Variants in CHD7 observed in about 807,000 individuals in gnomAD.
CHD7 encodes ATP-dependent chromatin remodeler CHD7.
Under a neutral mutation model 307.3 loss-of-function variants are expected in CHD7, and 24 were observed. The observed-to-expected ratio is 0.08, with a 90% CI of 0.06 to 0.11. The LOEUF is 0.11. CHD7 is among the 10% of genes least tolerant of loss of function. The pLI is 1.00. For synonymous variants in CHD7, 1,363 were observed against 1,349.9 expected, an observed-to-expected ratio of 1.01 and a Z score of -0.21; for missense variants, 3,106 against 3,727.1, an observed-to-expected ratio of 0.83 and a Z score of 4.34.
At chr8:60,794,256 T>C (rs958506895) in intron 3 of CHD7, among the ~76,000 whole-genome samples, 1 of 152,226 alleles carries the variant, frequency 6.6e-6, no homozygotes, top group African/African-American at 2.4e-5. Context: ...TTATGTCTTT[T>C]GTCTTATATA....
At chr8:60,698,342 A>G (rs1239113901) in intron 1 of CHD7, among the ~76,000 whole-genome samples, 1 of 152,246 alleles carries the variant, frequency 6.6e-6, no homozygotes, top group Non-Finnish European at 1.5e-5. Context: ...GGAAGAATAT[A>G]GGGTAGGTGG....
intron 12 of CHD7, 34 bp from the exon 13 acceptor site, chr8:60,823,806 A>G (rs745599768): frequency 6.4e-7 from 1 of 1,552,140 alleles, no homozygotes; most frequent in Non-Finnish European, 8.9e-7. Context: ...TGTAACCATT[A>G]ATGCTTAATA....
At chr8:60,738,140 A>G (rs972354109) in intron 1 of CHD7, among the ~76,000 whole-genome samples, 2 of 152,228 alleles carry the variant, frequency 1.3e-5, no homozygotes, top group East Asian at 3.8e-4. Flanking sequence ...GCTGTCCAGT[A>G]TGGAAGCCAC....
chr8:60,757,053 T>G (rs1438046427), intron 2 of CHD7, among the ~76,000 whole-genome samples: 1 of 152,190 alleles, frequency 6.6e-6, no homozygotes, highest in Non-Finnish European at 1.5e-5. Context: ...TCTCTAACAT[T>G]TGTCCTCACC....
In CHD7 at chr8:60,716,201, A is replaced by G. The variant is rs186614855; in HGVS notation, c.-174-25058A>G. On this transcript the variant is annotated intron_variant, in intron 1 of 37. Transcript: ENST00000423902. The stretch of plus-strand genomic sequence containing the variant: ...CTTTTTTCCTTGCCGGTGTTACTGC[A>G]GTAGCTCCCCTACTGCTCTCCCTGC... 2.2e-3 allele frequency among the ~76,000 whole-genome samples: 330 copies of G among 152,274 alleles called. 2 individuals are homozygous for G. The highest frequency in any genetic ancestry group is 0.014 in the Middle Eastern group (4 of 294).
chr8:60,855,514 A>G (rs1450212486), intron 32 of CHD7, among the ~76,000 whole-genome samples: 1 of 152,208 alleles, frequency 6.6e-6, no homozygotes, highest in Non-Finnish European at 1.5e-5. Flanking sequence ...ATTAATAGTG[A>G]CGCTAATGAT....
intron 2 of CHD7, among the ~76,000 whole-genome samples, chr8:60,776,296 A>G (rs1022196174): frequency 3.3e-5 from 5 of 152,192 alleles, no homozygotes; most frequent in African/African-American, 7.2e-5. Flanking sequence ...AGCAGAAAAT[A>G]CTTCAGTCCT....
chr8:60,702,295 TGTG>T (rs1174803568), intron 1 of CHD7, among the ~76,000 whole-genome samples: 2 of 152,254 alleles, frequency 1.3e-5, no homozygotes, highest in African/African-American at 4.8e-5. Flanking sequence ...ATTTTCTAAA[TGTG>T]GTGGGTATAT....
intron 7 of CHD7, among the ~76,000 whole-genome samples, chr8:60,810,126 C>T (rs1200441837): frequency 6.6e-6 from 1 of 152,194 alleles, no homozygotes; most frequent in Non-Finnish European, 1.5e-5. Flanking sequence ...CAGACTGGCT[C>T]TTCTGTCTTT....
intron 1 of CHD7, among the ~76,000 whole-genome samples, chr8:60,726,545 T>C (rs554082853): frequency 2.0e-5 from 3 of 152,384 alleles, no homozygotes; most frequent in Admixed American, 6.5e-5. Flanking sequence ...TCGTCTGCAC[T>C]GAGTGCTAAT....
chr8:60,864,537 G>GC (rs1362762391), intron 37 of CHD7: 1 of 179,170 alleles, frequency 5.6e-6, no homozygotes, highest in Non-Finnish European at 1.2e-5. Flanking sequence ...AGCACACAGT[G>GC]CATAATGATC....
chr8:60,850,733 C>A, intron 26 of CHD7, 111 bp downstream of exon 26: 1 of 1,130,566 alleles, frequency 8.8e-7, no homozygotes, highest in Non-Finnish European at 1.3e-6. Context: ...ATTTGAAGTT[C>A]AGGAGATGTT....
intron 1 of CHD7, among the ~76,000 whole-genome samples, chr8:60,681,745 G>A (rs934322019): frequency 6.6e-6 from 1 of 152,132 alleles, no homozygotes; most frequent in South Asian, 2.1e-4. Context: ...TGGTACTCAA[G>A]AATTGGGATT....
chr8:60,800,053 C>T (rs1255713694), intron 4 of CHD7, among the ~76,000 whole-genome samples: 5 of 150,696 alleles, frequency 3.3e-5, no homozygotes, highest in African/African-American at 7.3e-5. Context: ...TTTTTTAAGA[C>T]GCAGTCTTGC....
chr8:60,823,034 T>C (rs573420714), intron 12 of CHD7, among the ~76,000 whole-genome samples: 2 of 152,230 alleles, frequency 1.3e-5, no homozygotes, highest in African/African-American at 2.4e-5. Flanking sequence ...ATTAGTTTTA[T>C]TTTGCAAGCC....
At chr8:60,692,124 G>C (rs1806223868) in intron 1 of CHD7, among the ~76,000 whole-genome samples, 1 of 152,168 alleles carries the variant, frequency 6.6e-6, no homozygotes, top group African/African-American at 2.4e-5. Context: ...CAAGGAATAT[G>C]CTTGTCCATC....
rs747791210 is a variant in CHD7 at position 60,743,058 on chromosome 8, A to G, written c.1626A>G (p.Pro542=). 2.0e-5 allele frequency: 33 copies of G among 1,613,790 alleles called. No individual in the cohort carries two copies. The highest frequency in any genetic ancestry group is 1.9e-5 in the Non-Finnish European group (23 of 1,179,884). Residue 542 remains proline (P), a synonymous_variant, in exon 2 of 38, where the codon CCA becomes CCG. Coordinates refer to ENST00000423902, the MANE Select transcript of CHD7 (RefSeq NM_017780.4). ...ACCAGCCTTGGGCACAGCTCCACCCATCACCCCAGAACACCCCGCAGAAAG... is the reference window on the plus strand; with the variant it reads ...ACCAGCCTTGGGCACAGCTCCACCCGTCACCCCAGAACACCCCGCAGAAAG... ...PHHQPWAQLH[P]SPQNTPQKVP... is the part of the protein sequence containing the mutation.
intron 1 of CHD7, among the ~76,000 whole-genome samples, chr8:60,698,135 G>C (rs1375011997): frequency 6.6e-6 from 1 of 152,218 alleles, no homozygotes; most frequent in East Asian, 1.9e-4. Context: ...TCAAGTATTT[G>C]AGTATACATT....
At chr8:60,683,754 G>C (rs1415658170) in intron 1 of CHD7, among the ~76,000 whole-genome samples, 1 of 152,128 alleles carries the variant, frequency 6.6e-6, no homozygotes, top group Non-Finnish European at 1.5e-5. Flanking sequence ...GTGCAGGAGG[G>C]GTGCTGGTCT....
Sources: allele counts gnomAD v4.1 joint callset (sites outside exome capture counted in the v4.1 genomes callset), GRCh38; gene constraint gnomAD v4.1.1; transcripts MANE v1.5; gene names NCBI Gene and HGNC (gene_info 2026-07-23, HGNC 2026-07-21).